Variants in CFAP69 observed in about 807,000 individuals in gnomAD.
The protein encoded by CFAP69 is cilia and flagella associated protein 69.
CFAP69 carries 92 observed loss-of-function variants against 123.0 expected under a neutral mutation model. The ratio of observed to expected loss-of-function variants is 0.75; its 90% CI spans 0.63 to 0.89. CFAP69 has a LOEUF of 0.89. Among genes scored for constraint, CFAP69 ranks in the 40% least tolerant of loss-of-function variants. The pLI, the probability that CFAP69 is intolerant of heterozygous loss-of-function variation, is 0.00. For synonymous variants in CFAP69, 380 were observed against 364.3 expected (o/e 1.04, Z -0.49); for missense variants, 1,067 against 1,096.9 (o/e 0.97, Z 0.39).
At chr7:90,295,643 G>A (rs1420085704) in intron 15 of CFAP69, among the ~76,000 whole-genome samples, 2 of 152,186 alleles carry the variant, frequency 1.3e-5, no homozygotes, top group Non-Finnish European at 2.9e-5. Context: ...GACCCCAAGG[G>A]AAGGTTCTTG....
chr7:90,316,790 A>G, the CFAP69 span: 1 of 152,178 alleles, frequency 6.6e-6, no homozygotes, highest in Non-Finnish European at 1.5e-5. Flanking sequence ...AATTAAAAGA[A>G]CTAGAAAACC....
Position 90,258,050 on chromosome 7 carries a change from C to T in CFAP69, c.181-48C>T, listed in dbSNP as rs17866939. On this transcript the variant is annotated intron_variant, in intron 2 of 22. Coordinates refer to ENST00000389297, the MANE Select transcript of CFAP69 (RefSeq NM_001039706.3). The stretch of plus-strand genomic sequence containing the variant: ...TATGTTGAAGAATTTTTTAAAATCT[C>T]AACAGATTTAAAAGCACAAAAGAAC... 5,291 of 1,373,258 alleles carry T rather than the reference C, an allele frequency of 3.9e-3. 182 individuals carry two copies. In the African/African-American group the frequency reaches 0.068, roughly 18 times the overall value. 85.1% of individuals were successfully genotyped at this position (1,373,258 alleles called of 1,614,324 possible).
Position 90,245,437 on chromosome 7 carries a change from G to T in CFAP69, c.13G>T (p.Glu5Ter). Residue 5 changes from glutamate to a stop codon, truncating the protein, a stop_gained, in exon 1 of 23, where the codon GAA (glutamate) becomes TAA (stop). Coordinates refer to ENST00000389297, the MANE Select transcript of CFAP69 (RefSeq NM_001039706.3). LOFTEE classifies it high-confidence loss of function. Reference sequence around the variant, plus strand: ...GCCGCCACCGGCCATGTGGACAGAGGAAGCCGGGGCGACCGCCGAGGCCCA... The same window carrying T: ...GCCGCCACCGGCCATGTGGACAGAGTAAGCCGGGGCGACCGCCGAGGCCCA... MWTE[E>*]AGATAEAQES... The T allele has an allele frequency of 6.4e-7, 1 of 1,560,126 alleles. No homozygotes were observed. The highest frequency in any genetic ancestry group is 8.7e-7 in the Non-Finnish European group (1 of 1,154,998).
chr7:90,256,356 C>T (rs754123573), intron 2 of CFAP69, among the ~76,000 whole-genome samples: 5 of 151,964 alleles, frequency 3.3e-5, no homozygotes, highest in African/African-American at 7.3e-5. Flanking sequence ...GGGAGGGGAA[C>T]GTCACATACC....
Position 90,309,372 on chromosome 7 carries a change from G to T in CFAP69, c.2655+5G>T. 7.0e-7 allele frequency: 1 copy of T among 1,432,552 alleles called. No individual in the cohort carries two copies. The highest frequency in any genetic ancestry group is 9.6e-7 in the Non-Finnish European group (1 of 1,044,330). The allele number at this position is 1,432,552 out of a possible 1,614,324, so 88.7% of individuals were successfully genotyped here. On this transcript the variant is annotated splice_donor_5th_base_variant and intron_variant, in intron 22 of 22. Transcript: ENST00000389297. ...ATTAAAGGCCTTAACACAACGGTAAGATTCTTTCTCCATAACATTTTCTTA... is the reference window on the plus strand; with the variant it reads ...ATTAAAGGCCTTAACACAACGGTAATATTCTTTCTCCATAACATTTTCTTA...
chr7:90,309,216 T>C (rs750200343), intron 21 of CFAP69, 47 bp from the exon 22 acceptor site: 9 of 926,700 alleles, frequency 9.7e-6, no homozygotes, highest in Non-Finnish European at 1.5e-5. Flanking sequence ...CCATCATTAC[T>C]GATTTAATAG....
chr7:90,259,568 GCAA>G (rs1370004126), intron 3 of CFAP69, among the ~76,000 whole-genome samples: 1 of 152,070 alleles, frequency 6.6e-6, no homozygotes, highest in Non-Finnish European at 1.5e-5. Flanking sequence ...ATAGCTCACT[GCAA>G]CTTCAAACTC....
intron 5 of CFAP69, among the ~76,000 whole-genome samples, chr7:90,267,122 G>A (rs1435911209): frequency 6.6e-6 from 1 of 152,164 alleles, no homozygotes; most frequent in Non-Finnish European, 1.5e-5. Context: ...TAAAACCTAA[G>A]TAGTGATTTT....
the CFAP69 span, among the ~76,000 whole-genome samples, chr7:90,316,232 C>T: frequency 6.6e-6 from 1 of 152,164 alleles, no homozygotes; most frequent in African/African-American, 2.4e-5. Context: ...TTCTCCTCAG[C>T]CTTAAGCTCT....
chr7:90,248,071 A>G (rs1455363523), intron 1 of CFAP69, among the ~76,000 whole-genome samples: 2 of 152,174 alleles, frequency 1.3e-5, no homozygotes, highest in African/African-American at 4.8e-5. Context: ...ACTGGCTTCC[A>G]GGATGTGAGA....
intron 8 of CFAP69, 173 bp downstream of exon 8, chr7:90,272,131 G>T (rs543382801): frequency 5.5e-5 from 29 of 527,936 alleles, no homozygotes; most frequent in Middle Eastern, 5.1e-4. Context: ...ACAATAACAA[G>T]CCACACTTTT....
At chr7:90,306,722 C>T (rs1233154221) in intron 19 of CFAP69, among the ~76,000 whole-genome samples, 179 bp from the exon 20 acceptor site, 5 of 152,216 alleles carry the variant, frequency 3.3e-5, no homozygotes, top group African/African-American at 4.8e-5. Context: ...TAAATTCCTA[C>T]TGAGTACTCA....
chr7:90,272,257 A>T, intron 8 of CFAP69: 1 of 222,782 alleles, frequency 4.5e-6, no homozygotes, highest in East Asian at 9.9e-5. Flanking sequence ...TGAATCTATT[A>T]TTGAGTGCTT....
Position 90,304,093 on chromosome 7 carries a change from A to G in CFAP69, c.2175A>G (p.Ile725Met), listed in dbSNP as rs1207377396. ...SENIRAKIYA[I>M]LGKLDFENLP... ...ATATTAGAGCAAAAATTTATGCTAT[A>G]TTGGGCAAACTAGGTAAGAAGTTCT... Residue 725 changes from isoleucine (I) to methionine (M), a missense_variant, in exon 18 of 23, where the codon ATA (isoleucine) becomes ATG (methionine). Ile to Met is a conservative substitution (Grantham distance 10). Transcript: ENST00000389297. 6.5e-7 allele frequency: 1 copy of G among 1,549,906 alleles called. No homozygotes were observed. The highest frequency in any genetic ancestry group is 8.7e-7 in the Non-Finnish European group (1 of 1,146,026).
intron 1 of CFAP69, among the ~76,000 whole-genome samples, chr7:90,251,391 G>C (rs1792165628): frequency 6.6e-6 from 1 of 152,148 alleles, no homozygotes; most frequent in Admixed American, 6.5e-5. Context: ...TTCTCTGGTT[G>C]GTCTTAAGTT....
At chr7:90,295,453 G>C (rs7786771) in intron 15 of CFAP69, among the ~76,000 whole-genome samples, 1 of 151,962 alleles carries the variant, frequency 6.6e-6, no homozygotes, top group African/African-American at 2.4e-5. Context: ...CAGTGCTGTC[G>C]TCTCTTTCCT....
chr7:90,245,606 G>A, intron 1 of CFAP69, 62 bp downstream of exon 1: 1 of 1,428,160 alleles, frequency 7.0e-7, no homozygotes, highest in Non-Finnish European at 9.2e-7. Flanking sequence ...TCGAGACGGG[G>A]TCCAGACCTG....
At chr7:90,293,886 G>A (rs1387918863) in intron 15 of CFAP69, among the ~76,000 whole-genome samples, 2 of 152,120 alleles carry the variant, frequency 1.3e-5, no homozygotes, top group Non-Finnish European at 2.9e-5. Flanking sequence ...AGTCATAGTG[G>A]CATTTTATGA....
chr7:90,320,155 T>C, the CFAP69 span, among the ~76,000 whole-genome samples: 1 of 152,210 alleles, frequency 6.6e-6, no homozygotes, highest in African/African-American at 2.4e-5. Flanking sequence ...ACATTTCAAC[T>C]AAGTGGATCA....
Sources: gnomAD v4.1 joint callset for allele counts (sites outside exome capture counted in the v4.1 genomes callset) on GRCh38, gnomAD v4.1.1 for gene constraint, MANE v1.5 for transcripts, NCBI Gene and HGNC (gene_info 2026-07-23, HGNC 2026-07-21) for gene names.